THSD7B: variants seen among roughly 807,000 people sequenced by gnomAD.
THSD7B encodes thrombospondin type-1 domain-containing protein 7B.
In THSD7B, 138 loss-of-function variants were observed where a neutral mutation model predicts 213.6. The ratio of observed to expected loss-of-function variants is 0.65; its 90% CI spans 0.56 to 0.74. THSD7B has a LOEUF of 0.74. Among genes scored for constraint, THSD7B ranks in the 30% least tolerant of loss-of-function variants. The pLI, the probability that THSD7B is intolerant of heterozygous loss-of-function variation, is 0.00. For missense variants in THSD7B, 1,931 were observed against 1,991.5 expected, an observed-to-expected ratio of 0.97 and a Z score of 0.58; for synonymous variants, 742 against 687.0, an observed-to-expected ratio of 1.08 and a Z score of -1.25.
intron 2 of THSD7B, among the ~76,000 whole-genome samples, chr2:136,977,209 A>AT (rs1445783766): frequency 6.6e-6 from 1 of 151,588 alleles, no homozygotes; most frequent in African/African-American, 2.4e-5. Flanking sequence ...CCCATTCTAG[A>AT]TTTTCTAGTT....
At chr2:137,430,429 G>A (rs1456930984) in intron 14 of THSD7B, among the ~76,000 whole-genome samples, 3 of 152,054 alleles carry the variant, frequency 2.0e-5, no homozygotes, top group African/African-American at 4.8e-5. Context: ...CTCAGCTTTA[G>A]GCCAGTAATT....
intron 2 of THSD7B, among the ~76,000 whole-genome samples, chr2:136,883,975 A>C (rs577374504): frequency 1.9e-4 from 29 of 152,322 alleles, no homozygotes; most frequent in African/African-American, 6.7e-4. Context: ...TTACTTATGT[A>C]TGACTGACAT....
intron 4 of THSD7B, among the ~76,000 whole-genome samples, chr2:137,099,801 T>G (rs10166002): frequency 6.6e-6 from 1 of 152,022 alleles, no homozygotes; most frequent in Admixed American, 6.5e-5. Flanking sequence ...ATTACCTAGT[T>G]TTTGTGATAT....
Position 137,674,463 on chromosome 2 carries a change from C to T in THSD7B, c.4740-2061C>T, listed in dbSNP as rs776166793. Among the ~76,000 whole-genome samples, 17 of 152,158 alleles carry T rather than the reference C, an allele frequency of 1.1e-4. 1 individual carries two copies. Among genetic ancestry groups the T allele is most frequent in the Non-Finnish European group, 1.0e-4 (7 of 68,034 alleles). ...GCTGTCACTTTCAGATTGCCTCACC[C>T]TCTGGTGTGTGCATGATTTCTTAGC... On this transcript the variant is annotated intron_variant, in intron 27 of 27. Transcript: ENST00000409968.
intron 19 of THSD7B, among the ~76,000 whole-genome samples, chr2:137,619,438 C>T (rs1323300288): frequency 6.6e-6 from 1 of 152,236 alleles, no homozygotes; most frequent in Non-Finnish European, 1.5e-5. Flanking sequence ...ACTACGTCAC[C>T]AGTCCTAAGA....
chr2:136,816,473 A>G (rs530551854), intron 1 of THSD7B, among the ~76,000 whole-genome samples: 1 of 152,326 alleles, frequency 6.6e-6, no homozygotes, highest in Admixed American at 6.5e-5. Context: ...TAATAGCTGC[A>G]TAGGGTTCCA....
At chr2:137,626,483 A>G (rs1219181438) in intron 20 of THSD7B, among the ~76,000 whole-genome samples, 2 of 148,596 alleles carry the variant, frequency 1.3e-5, no homozygotes, top group African/African-American at 5.0e-5. Context: ...AAAAAAAAGA[A>G]AAAGAAAAAG....
chr2:137,595,665 C>T (rs1424359628), intron 17 of THSD7B, among the ~76,000 whole-genome samples: 1 of 151,838 alleles, frequency 6.6e-6, no homozygotes, highest in East Asian at 1.9e-4. Context: ...GACTTAATCC[C>T]TTTTTGTTGG....
chr2:137,272,745 G>T, intron 11 of THSD7B, 83 bp downstream of exon 11: 1 of 1,452,000 alleles, frequency 6.9e-7, no homozygotes, highest in Non-Finnish European at 9.3e-7. Context: ...TGGTCGTTTG[G>T]TGAAAAATAA....
chr2:137,437,746 C>A (rs1687324173), intron 14 of THSD7B, among the ~76,000 whole-genome samples: 2 of 152,118 alleles, frequency 1.3e-5, no homozygotes, highest in African/African-American at 4.8e-5. Context: ...CCCATCGATG[C>A]CAGCCTTCAG....
chr2:137,387,250 A>C (rs1356557383), intron 12 of THSD7B, among the ~76,000 whole-genome samples: 1 of 152,178 alleles, frequency 6.6e-6, no homozygotes, highest in African/African-American at 2.4e-5. Flanking sequence ...TTGCCAGGTG[A>C]CTGCTCTTAT....
chr2:137,285,715 T>C (rs1446071902), intron 12 of THSD7B, among the ~76,000 whole-genome samples: 1 of 152,060 alleles, frequency 6.6e-6, no homozygotes, highest in Non-Finnish European at 1.5e-5. Flanking sequence ...TATATTTGCA[T>C]GTATTTACCA....
At chr2:136,939,670 A>G (rs1208919864) in intron 2 of THSD7B, among the ~76,000 whole-genome samples, 1 of 152,144 alleles carries the variant, frequency 6.6e-6, no homozygotes, top group African/African-American at 2.4e-5. Flanking sequence ...TTTCTGAACC[A>G]TGGTGTGCAC....
At chr2:137,351,785 G>A (rs936738930) in intron 12 of THSD7B, among the ~76,000 whole-genome samples, 1 of 151,820 alleles carries the variant, frequency 6.6e-6, no homozygotes, top group Non-Finnish European at 1.5e-5. Context: ...TTTATTTAAG[G>A]ATGGCCTTTT....
chr2:136,974,911 A>G (rs1233949851), intron 2 of THSD7B, among the ~76,000 whole-genome samples: 1 of 152,052 alleles, frequency 6.6e-6, no homozygotes, highest in Non-Finnish European at 1.5e-5. Flanking sequence ...ATGACATTAT[A>G]TTTTATTGTG....
chr2:136,790,291 G>C (rs1573639232), intron 1 of THSD7B, among the ~76,000 whole-genome samples: 1 of 151,876 alleles, frequency 6.6e-6, no homozygotes, highest in Non-Finnish European at 1.5e-5. Flanking sequence ...AGAGAAAAGA[G>C]TGGAAAATAG....
chr2:137,544,236 TGTA>T (rs1477111298), intron 15 of THSD7B, among the ~76,000 whole-genome samples: 1 of 151,658 alleles, frequency 6.6e-6, no homozygotes, highest in Non-Finnish European at 1.5e-5. Context: ...ATAAACAAAA[TGTA>T]GTACGTTCAC....
intron 3 of THSD7B, among the ~76,000 whole-genome samples, chr2:137,093,785 A>C (rs1478465031): frequency 3.3e-5 from 4 of 121,250 alleles, no homozygotes; most frequent in Non-Finnish European, 1.8e-5. Flanking sequence ...GTATACTTTA[A>C]GTTTTAGGGT....
intron 4 of THSD7B, among the ~76,000 whole-genome samples, chr2:137,101,620 A>G (rs1429791866): frequency 6.6e-6 from 1 of 152,178 alleles, no homozygotes; most frequent in Non-Finnish European, 1.5e-5. Context: ...TATGGAGCCC[A>G]GCAAGCTAAG....
Sources: allele counts gnomAD v4.1 joint callset (sites outside exome capture counted in the v4.1 genomes callset), GRCh38; gene constraint gnomAD v4.1.1; transcripts MANE v1.5; gene names NCBI Gene and HGNC (gene_info 2026-07-23, HGNC 2026-07-21).